Variants in ARHGAP26 observed in about 807,000 individuals in gnomAD.
ARHGAP26 encodes the protein rho GTPase-activating protein 26.
A neutral mutation model predicts 104.8 loss-of-function variants in ARHGAP26; 38 were observed. That is an observed-to-expected ratio of 0.36 (90% CI 0.28 to 0.48). The LOEUF (loss-of-function observed/expected upper bound fraction) is 0.48. ARHGAP26 is among the 20% of genes least tolerant of loss of function. ARHGAP26 has a pLI of 0.99. For missense variants in ARHGAP26, 704 were observed against 947.9 expected, an observed-to-expected ratio of 0.74 and a Z score of 3.38; for synonymous variants, 341 against 340.0, an observed-to-expected ratio of 1.00 and a Z score of -0.03.
chr5:143,092,400 G>T (rs1448282522), intron 17 of ARHGAP26, among the ~76,000 whole-genome samples: 1 of 152,000 alleles, frequency 6.6e-6, no homozygotes, highest in Admixed American at 6.6e-5. Flanking sequence ...TCCTGACCTC[G>T]TGATCCGCCC....
At chr5:143,220,586 G>A (rs1254556828) in intron 22 of ARHGAP26, among the ~76,000 whole-genome samples, 1 of 152,224 alleles carries the variant, frequency 6.6e-6, no homozygotes, top group Non-Finnish European at 1.5e-5. Flanking sequence ...TGGCATGGGA[G>A]AGCTTTGGTC....
chr5:142,798,331 C>T (rs955329950), intron 1 of ARHGAP26, among the ~76,000 whole-genome samples: 1 of 152,172 alleles, frequency 6.6e-6, no homozygotes, highest in Admixed American at 6.5e-5. Flanking sequence ...ACATGCAGTG[C>T]CCTCTGATGC....
In ARHGAP26 at chr5:142,931,923, C is replaced by T. The variant is rs1222073603; in HGVS notation, c.1029-124C>T. 14 of 868,936 alleles carry T rather than the reference C, an allele frequency of 1.6e-5. No individual in the cohort carries two copies. In the East Asian group the frequency reaches 3.2e-4, roughly 20 times the overall value. The allele number at this position is 868,936 out of a possible 1,614,324, so 53.8% of individuals were successfully genotyped here. ...TGGCTTAGTAAAGCCGAGTGTTTTGCCCCTCTTTGTGTTGTTAACCTTAGC... is the reference window on the plus strand; with the variant it reads ...TGGCTTAGTAAAGCCGAGTGTTTTGTCCCTCTTTGTGTTGTTAACCTTAGC... On this transcript the variant is annotated intron_variant, in intron 10 of 22. Coordinates refer to ENST00000645722, the MANE Select transcript of ARHGAP26 (RefSeq NM_001135608.3).
intron 11 of ARHGAP26, among the ~76,000 whole-genome samples, chr5:142,940,152 T>C (rs1394328039): frequency 6.6e-6 from 1 of 152,222 alleles, no homozygotes; most frequent in Admixed American, 6.5e-5. Flanking sequence ...TCCTGCTGTA[T>C]GCTAACCTCA....
At chr5:142,796,299 T>G (rs575775371) in intron 1 of ARHGAP26, among the ~76,000 whole-genome samples, 33 of 152,190 alleles carry the variant, frequency 2.2e-4, no homozygotes, top group Non-Finnish European at 3.7e-4. Context: ...GTTTAAATAT[T>G]GACTCTGCCA....
At chr5:142,933,304 T>C (rs1764977474) in intron 11 of ARHGAP26, among the ~76,000 whole-genome samples, 1 of 152,198 alleles carries the variant, frequency 6.6e-6, no homozygotes, top group African/African-American at 2.4e-5. Flanking sequence ...CTGAGCACAT[T>C]ACATCTCTTA....
intron 11 of ARHGAP26, among the ~76,000 whole-genome samples, chr5:142,995,319 GA>G (rs1776225431): frequency 6.6e-6 from 1 of 151,944 alleles, no homozygotes; most frequent in African/African-American, 2.4e-5. Flanking sequence ...AAATTTACAA[GA>G]AAAAAACAAC....
intron 17 of ARHGAP26, among the ~76,000 whole-genome samples, chr5:143,111,646 G>A (rs1386965339): frequency 6.6e-6 from 1 of 152,234 alleles, no homozygotes; most frequent in African/African-American, 2.4e-5. Flanking sequence ...AAGAAAAGGA[G>A]AGATAGGAGA....
rs568845959 is a variant in ARHGAP26 at position 143,049,304 on chromosome 5, A to G, written c.1286-5135A>G. Among the ~76,000 whole-genome samples the G allele has an allele frequency of 1.6e-3, 242 of 152,256 alleles. 1 individual carries two copies. The highest frequency in any genetic ancestry group is 5.3e-3 in the African/African-American group (221 of 41,552). ...CTTGTCCTCCATCTCAGTATTACTCATTTAAAATTGTTGGGTTGATTGTGA... is the reference window on the plus strand; with the variant it reads ...CTTGTCCTCCATCTCAGTATTACTCGTTTAAAATTGTTGGGTTGATTGTGA... On this transcript the variant is annotated intron_variant, in intron 14 of 22. Coordinates refer to ENST00000645722, the MANE Select transcript of ARHGAP26 (RefSeq NM_001135608.3).
intron 1 of ARHGAP26, among the ~76,000 whole-genome samples, chr5:142,774,312 T>G (rs1755843126): frequency 6.6e-6 from 1 of 152,244 alleles, no homozygotes; most frequent in Admixed American, 6.5e-5. Context: ...TACTCCATTC[T>G]GTGTTCTTAG....
chr5:142,955,510 C>T (rs1302984129), intron 11 of ARHGAP26, among the ~76,000 whole-genome samples: 2 of 152,030 alleles, frequency 1.3e-5, no homozygotes, highest in Admixed American at 1.3e-4. Context: ...CTTCAAAAAT[C>T]CAGTGAATAC....
At chr5:143,057,817 C>G (rs1005560195) in intron 17 of ARHGAP26, 70 bp downstream of exon 17, 2 of 1,284,298 alleles carry the variant, frequency 1.6e-6, no homozygotes, top group Non-Finnish European at 2.3e-6. Flanking sequence ...TGAAGCTGGT[C>G]TCAGTTCTGC....
intron 17 of ARHGAP26, among the ~76,000 whole-genome samples, chr5:143,058,848 G>C (rs1203670952): frequency 1.3e-5 from 2 of 152,186 alleles, no homozygotes; most frequent in Non-Finnish European, 2.9e-5. Flanking sequence ...TATTGGGAAG[G>C]AATTCGGCAA....
At chr5:142,793,252 CTT>C (rs56941301) in intron 1 of ARHGAP26, among the ~76,000 whole-genome samples, 16 of 107,120 alleles carry the variant, frequency 1.5e-4, no homozygotes, top group Admixed American at 4.1e-4. Context: ...TATCCCTTTG[CTT>C]TTTTTTTTTT....
chr5:142,774,489 G>A (rs1005492690), intron 1 of ARHGAP26, among the ~76,000 whole-genome samples: 3 of 151,288 alleles, frequency 2.0e-5, no homozygotes, highest in Non-Finnish European at 2.9e-5. Flanking sequence ...CCCACATAGC[G>A]CCTCATACCT....
intron 17 of ARHGAP26, among the ~76,000 whole-genome samples, chr5:143,117,195 C>CA (rs1795568739): frequency 6.6e-6 from 1 of 152,206 alleles, no homozygotes; most frequent in African/African-American, 2.4e-5. Flanking sequence ...AGGAGGAACT[C>CA]AGACAGCTCA....
intron 11 of ARHGAP26, among the ~76,000 whole-genome samples, chr5:142,977,613 G>A (rs1232842658): frequency 6.6e-6 from 1 of 152,212 alleles, no homozygotes; most frequent in African/African-American, 2.4e-5. Context: ...TTTCCTGGGT[G>A]AGGAGGCAAC....
intron 12 of ARHGAP26, among the ~76,000 whole-genome samples, chr5:143,033,550 A>T (rs1455941239): frequency 6.6e-6 from 1 of 152,220 alleles, no homozygotes. Flanking sequence ...ATGGCTTTAC[A>T]TGCATGTATC....
chr5:143,072,018 T>C (rs952993065), intron 17 of ARHGAP26, among the ~76,000 whole-genome samples: 5 of 151,940 alleles, frequency 3.3e-5, no homozygotes, highest in African/African-American at 1.2e-4. Context: ...GGAGAAAATG[T>C]TTGCAAACTA....
Sources: allele counts gnomAD v4.1 joint callset (sites outside exome capture counted in the v4.1 genomes callset), GRCh38; gene constraint gnomAD v4.1.1; transcripts MANE v1.5; gene names NCBI Gene and HGNC (gene_info 2026-07-23, HGNC 2026-07-21).